Variants in COL13A1 observed in about 807,000 individuals in gnomAD.
The protein encoded by COL13A1 is collagen alpha-1(XIII) chain.
Under a neutral mutation model 130.9 loss-of-function variants are expected in COL13A1, and 89 were observed. The ratio of observed to expected loss-of-function variants is 0.68; its 90% CI spans 0.57 to 0.81. The LOEUF is 0.81. Ranked by LOEUF, COL13A1 falls within the 30% of genes least tolerant of loss-of-function variation. The pLI is 0.00. For synonymous variants in COL13A1, 402 were observed against 341.6 expected, an observed-to-expected ratio of 1.18 and a Z score of -1.95; for missense variants, 879 against 934.6, an observed-to-expected ratio of 0.94 and a Z score of 0.78.
intron 7 of COL13A1, among the ~76,000 whole-genome samples, chr10:69,885,076 T>C (rs1189199339): frequency 6.6e-6 from 1 of 152,216 alleles, no homozygotes; most frequent in Non-Finnish European, 1.5e-5. Context: ...AATACTTAGA[T>C]ATAAAACCTG....
chr10:69,826,690 T>A (rs1473474437), intron 2 of COL13A1, among the ~76,000 whole-genome samples: 1 of 152,008 alleles, frequency 6.6e-6, no homozygotes, highest in Non-Finnish European at 1.5e-5. Context: ...CATCATAGAC[T>A]CCATATGGTG....
intron 9 of COL13A1, among the ~76,000 whole-genome samples, chr10:69,888,727 C>G (rs376188021): frequency 3.3e-5 from 5 of 152,164 alleles, no homozygotes; most frequent in African/African-American, 1.2e-4. Context: ...TGGCCCTGTC[C>G]TCGAGGTCAG....
chr10:69,925,925 A>C (rs981842844), intron 26 of COL13A1, 53 bp downstream of exon 26: 7 of 1,451,032 alleles, frequency 4.8e-6, no homozygotes, highest in Non-Finnish European at 6.6e-6. Context: ...CAGGCTCTGC[A>C]CCATGCCCTG....
chr10:69,856,258 C>T (rs1250599714), intron 2 of COL13A1, among the ~76,000 whole-genome samples: 4 of 152,214 alleles, frequency 2.6e-5, no homozygotes, highest in Non-Finnish European at 2.9e-5. Context: ...AGGTCTGCAA[C>T]CTCAACTGGC....
intron 13 of COL13A1, among the ~76,000 whole-genome samples, chr10:69,896,345 A>T (rs540124544): frequency 6.6e-6 from 1 of 152,290 alleles, no homozygotes; most frequent in Middle Eastern, 3.4e-3. Context: ...GGAGAGCAAG[A>T]TACGCACAGC....
At chr10:69,897,443 G>C in intron 13 of COL13A1, 1 of 1,613,000 alleles carries the variant, frequency 6.2e-7, no homozygotes, top group South Asian at 1.1e-5. Context: ...CTGTCGCCCT[G>C]TCTCTGCCAC....
Position 69,958,825 on chromosome 10 carries a change from A to C in COL13A1, c.*124A>C. 7.5e-7 allele frequency: 1 copy of C among 1,330,280 alleles called. No homozygotes were observed. The highest frequency in any genetic ancestry group is 1.0e-6 in the Non-Finnish European group (1 of 969,548). 82.4% of individuals were successfully genotyped at this position (1,330,280 alleles called of 1,614,324 possible). ...CTTACAGATTATTAAAAAAGAAAGA[A>C]AAACCTGCATATTTTGTACAGAAAA... On this transcript the variant is annotated 3_prime_UTR_variant, in exon 41 of 41. Transcript: ENST00000645393.
At chr10:69,942,526 C>T (rs1384880133) in intron 35 of COL13A1, among the ~76,000 whole-genome samples, 2 of 152,172 alleles carry the variant, frequency 1.3e-5, no homozygotes, top group African/African-American at 4.8e-5. Context: ...ACACTCTGTC[C>T]CTTAGGAACT....
In COL13A1 at chr10:69,802,543, G is replaced by T. The variant is rs779738680; in HGVS notation, c.120G>T (p.Pro40=). ...AARAERGARL[P]SPGSCGLLTL... is the part of the protein sequence containing the mutation. ...GGGCGGAGCGCGGCGCACGGCTGCC[G>T]AGTCCAGGGTCGTGCGGGCTGCTGA... The change falls in exon 1 of 41, where the codon CCG becomes CCT. Residue 40 remains proline, a synonymous_variant. Coordinates refer to ENST00000645393, the MANE Select transcript of COL13A1 (RefSeq NM_001368882.1). 1 of 1,597,104 alleles carries T rather than the reference G, an allele frequency of 6.3e-7. No homozygotes were observed. Among genetic ancestry groups the T allele is most frequent in the Non-Finnish European group, 8.5e-7 (1 of 1,173,608 alleles).
chr10:69,869,333 C>G (rs1477640571), intron 3 of COL13A1, among the ~76,000 whole-genome samples: 3 of 142,290 alleles, frequency 2.1e-5, no homozygotes, highest in Non-Finnish European at 4.7e-5. Flanking sequence ...GAACCTTTGC[C>G]CAGTGCTGGC....
chr10:69,862,232 T>G (rs1447518087), intron 2 of COL13A1, among the ~76,000 whole-genome samples: 1 of 152,178 alleles, frequency 6.6e-6, no homozygotes, highest in Non-Finnish European at 1.5e-5. Flanking sequence ...TCAGGATCAT[T>G]TACCAGCCAT....
intron 17 of COL13A1, among the ~76,000 whole-genome samples, chr10:69,911,856 C>A (rs1486428332): frequency 4.6e-5 from 7 of 152,232 alleles, no homozygotes. Context: ...CCAATAAAGC[C>A]TGGAGGAGGC....
intron 30 of COL13A1, 102 bp from the exon 31 acceptor site, chr10:69,932,458 G>T: frequency 1.3e-6 from 1 of 792,206 alleles, no homozygotes; most frequent in South Asian, 1.5e-5. Context: ...TTGACCCCTA[G>T]ACCAGTCACG....
rs773020181 is a variant in COL13A1 at position 69,952,920 on chromosome 10, G to T, written c.2097G>T (p.Gly699=). The change falls in exon 39 of 41, where the codon GGG becomes GGT. Residue 699 remains glycine (G), a synonymous_variant. Transcript: ENST00000645393. The stretch of plus-strand genomic sequence containing the variant: ...AGAAAGGCTCTAGAGGGCCTAAAGG[G>T]GATAAGGGAGACCAAGGAGCGCCTG... ...RGKKGSRGPK[G]DKGDQGAPGL... 1 of 1,559,224 alleles carries T rather than the reference G, an allele frequency of 6.4e-7. No homozygotes were observed. The highest frequency in any genetic ancestry group is 1.2e-5 in the South Asian group (1 of 80,788).
intron 38 of COL13A1, among the ~76,000 whole-genome samples, chr10:69,950,061 A>G (rs747608520): frequency 2.2e-5 from 3 of 135,032 alleles, no homozygotes; most frequent in Admixed American, 7.6e-5. Context: ...CTCCTCCACT[A>G]TCTCTTTTGG....
At chr10:69,866,468 T>G (rs566844799) in intron 2 of COL13A1, among the ~76,000 whole-genome samples, 122 of 152,290 alleles carry the variant, frequency 8.0e-4, no homozygotes, top group South Asian at 2.1e-3. Context: ...GGCACAGATT[T>G]CCCAGCTAAG....
At chr10:69,932,185 CAT>C (rs1434160445) in intron 30 of COL13A1, among the ~76,000 whole-genome samples, 4 of 152,132 alleles carry the variant, frequency 2.6e-5, no homozygotes, top group Non-Finnish European at 5.9e-5. Flanking sequence ...GTTCATGTAA[CAT>C]ATTTGTAACA....
chr10:69,942,669 G>A (rs1338570224), intron 35 of COL13A1, among the ~76,000 whole-genome samples: 1 of 152,220 alleles, frequency 6.6e-6, no homozygotes, highest in Non-Finnish European at 1.5e-5. Flanking sequence ...CCAAATGCTT[G>A]CTACGCATTC....
intron 1 of COL13A1, among the ~76,000 whole-genome samples, chr10:69,817,353 G>A (rs1589212415): frequency 6.6e-6 from 1 of 151,570 alleles, no homozygotes; most frequent in East Asian, 2.0e-4. Flanking sequence ...CACGTGTAGT[G>A]GTGGCTGCCT....
Sources: allele counts gnomAD v4.1 joint callset (sites outside exome capture counted in the v4.1 genomes callset), GRCh38; gene constraint gnomAD v4.1.1; transcripts MANE v1.5; gene names NCBI Gene and HGNC (gene_info 2026-07-23, HGNC 2026-07-21).